The following EXOC4 variants were observed in gnomAD, a reference collection of about 807,000 sequenced individuals.
EXOC4 encodes the protein SEC8-like 1.
In EXOC4, 71 loss-of-function variants were observed where a neutral mutation model predicts 107.2. The observed-to-expected ratio is 0.66, with a 90% confidence interval of 0.55 to 0.81. The LOEUF (loss-of-function observed/expected upper bound fraction) is 0.81, where lower values mean the gene tolerates loss of function less well. EXOC4 is among the 30% of genes least tolerant of loss of function. The probability of loss-of-function intolerance (pLI) is 0.00; values close to 1 mark genes in which losing one functional copy is unlikely to be tolerated. For synonymous variants in EXOC4, 456 were observed against 441.2 expected (o/e 1.03, Z -0.42); for missense variants, 1,108 against 1,189.6 (o/e 0.93, Z 1.01).
chr7:133,801,145 A>C (rs1480765784), intron 10 of EXOC4, among the ~76,000 whole-genome samples: 1 of 152,174 alleles, frequency 6.6e-6, no homozygotes, highest in African/African-American at 2.4e-5. Flanking sequence ...ATAATGAATT[A>C]TATATTATCG....
Position 133,755,367 on chromosome 7 carries a change from CAG to C in EXOC4, c.1515-61955_1515-61954del, listed in dbSNP as rs1795893824. ...CTCTTTTTTTTTTTTGGCGGGGGGA[CAG>C]AGTCTCACCCTGTCACCAGGCTGGA... is the stretch of plus-strand genomic sequence containing the variant. On this transcript the variant is annotated intron_variant, in intron 10 of 17. Transcript: ENST00000253861. 3.8e-5 allele frequency among the ~76,000 whole-genome samples: 4 copies of C among 104,170 alleles called. No individual in the cohort carries two copies. In the South Asian group the frequency reaches 1.1e-3, roughly 29 times the overall value. 68.3% of individuals were successfully genotyped at this position (104,170 alleles called of 152,430 possible). A position where few individuals can be genotyped will look rare whatever the true frequency, so the allele number is the denominator to read the frequency against.
chr7:133,765,850 A>G (rs1411577239), intron 10 of EXOC4, among the ~76,000 whole-genome samples: 1 of 151,942 alleles, frequency 6.6e-6, no homozygotes, highest in Non-Finnish European at 1.5e-5. Flanking sequence ...TTTTGTACTC[A>G]AAGTAGTATA....
In EXOC4 at chr7:133,411,248, C is replaced by T. The variant is rs550883919; in HGVS notation, c.1182+36246C>T. Reference sequence around the variant, plus strand: ...GTAGATTAGTGCAAACTCATTCTCACTTTTGTAAAAAATAGTTAAACTTGA... The same window carrying T: ...GTAGATTAGTGCAAACTCATTCTCATTTTTGTAAAAAATAGTTAAACTTGA... On this transcript the variant is annotated intron_variant, in intron 7 of 17. Coordinates refer to ENST00000253861, the MANE Select transcript of EXOC4 (RefSeq NM_021807.4). Among the ~76,000 whole-genome samples, 34 of 152,250 alleles carry T rather than the reference C, an allele frequency of 2.2e-4. No individual in the cohort carries two copies. The South Asian group carries it at 7.0e-3, about 32-fold the overall frequency.
At chr7:133,423,434 T>A (rs1797649208) in intron 7 of EXOC4, among the ~76,000 whole-genome samples, 1 of 152,218 alleles carries the variant, frequency 6.6e-6, no homozygotes, top group Admixed American at 6.5e-5. Flanking sequence ...GCCATAGCAC[T>A]CTCTATCTTA....
At chr7:133,836,634 C>G (rs945506816) in intron 11 of EXOC4, among the ~76,000 whole-genome samples, 4 of 152,130 alleles carry the variant, frequency 2.6e-5, no homozygotes, top group African/African-American at 9.7e-5. Flanking sequence ...CCAAATAACG[C>G]ACATTTCTCT....
At chr7:133,867,464 C>T (rs1220285500) in intron 11 of EXOC4, among the ~76,000 whole-genome samples, 1 of 152,214 alleles carries the variant, frequency 6.6e-6, no homozygotes, top group Non-Finnish European at 1.5e-5. Flanking sequence ...TCAGCTTCCT[C>T]TCTCAAACAC....
intron 10 of EXOC4, among the ~76,000 whole-genome samples, chr7:133,730,362 G>C (rs1000800068): frequency 6.6e-6 from 1 of 151,828 alleles, no homozygotes; most frequent in Non-Finnish European, 1.5e-5. Flanking sequence ...GGATCCTCAT[G>C]TATGGAGCGT....
chr7:134,004,211 A>G (rs1290834451), intron 15 of EXOC4, among the ~76,000 whole-genome samples: 2 of 152,206 alleles, frequency 1.3e-5, no homozygotes, highest in Admixed American at 6.5e-5. Flanking sequence ...GGTTCCATAC[A>G]TGATTTAGTT....
intron 9 of EXOC4, among the ~76,000 whole-genome samples, chr7:133,488,196 G>C (rs1001344228): frequency 1.3e-5 from 2 of 152,122 alleles, no homozygotes; most frequent in African/African-American, 4.8e-5. Context: ...ACAAAATTCA[G>C]AAGAAATTTA....
intron 17 of EXOC4, among the ~76,000 whole-genome samples, chr7:134,013,664 T>G (rs1794825914): frequency 6.6e-6 from 1 of 152,226 alleles, no homozygotes; most frequent in African/African-American, 2.4e-5. Context: ...TCAATTTTTC[T>G]GTGAATCCAA....
rs1319041891 is a variant in EXOC4, at chr7:133,872,515, G to T, written c.1735-23084G>T. Among the ~76,000 whole-genome samples, 6 of 151,990 alleles carry T rather than the reference G, an allele frequency of 3.9e-5. No homozygotes were observed. In the South Asian group the frequency reaches 6.2e-4, roughly 16 times the overall value. On this transcript the variant is annotated intron_variant, in intron 11 of 17. Coordinates refer to ENST00000253861, the MANE Select transcript of EXOC4 (RefSeq NM_021807.4). Reference sequence around the variant, plus strand: ...CTAGGCACTTAATTTTACCCTCATTGCTAGAACAAAAGGGAAACAATAAAA... The same window carrying T: ...CTAGGCACTTAATTTTACCCTCATTTCTAGAACAAAAGGGAAACAATAAAA...
chr7:133,373,084 G>A (rs1263511086), intron 6 of EXOC4, among the ~76,000 whole-genome samples: 1 of 152,104 alleles, frequency 6.6e-6, no homozygotes, highest in Non-Finnish European at 1.5e-5. Context: ...GTTGGAAAAG[G>A]AGAACCTTCA....
chr7:133,703,157 A>G (rs1445345749), intron 10 of EXOC4, among the ~76,000 whole-genome samples: 2 of 152,208 alleles, frequency 1.3e-5, no homozygotes, highest in Non-Finnish European at 2.9e-5. Flanking sequence ...ATCACTGAAC[A>G]TAGTCACAGG....
chr7:133,258,931 G>T (rs1795078494), intron 1 of EXOC4, among the ~76,000 whole-genome samples: 2 of 152,054 alleles, frequency 1.3e-5, no homozygotes, highest in Non-Finnish European at 2.9e-5. Flanking sequence ...AGACTGAAAA[G>T]ACTATAAACA....
intron 5 of EXOC4, among the ~76,000 whole-genome samples, chr7:133,336,423 C>G (rs187608561): frequency 9.5e-4 from 144 of 152,240 alleles, no homozygotes; most frequent in African/African-American, 3.2e-3. Flanking sequence ...AATTCTCCCC[C>G]CAAAGAGAAA....
At chr7:133,965,002 A>G (rs1801030004) in intron 14 of EXOC4, among the ~76,000 whole-genome samples, 1 of 152,024 alleles carries the variant, frequency 6.6e-6, no homozygotes, top group Non-Finnish European at 1.5e-5. Flanking sequence ...TTGTTTCCTG[A>G]CTTTTTAATG....
chr7:133,624,669 T>A (rs1365425164), intron 9 of EXOC4, among the ~76,000 whole-genome samples: 2 of 152,080 alleles, frequency 1.3e-5, no homozygotes, highest in Non-Finnish European at 2.9e-5. Context: ...CTCGGCTCAC[T>A]GCAACCTCTG....
intron 10 of EXOC4, among the ~76,000 whole-genome samples, chr7:133,815,576 A>G (rs181332101): frequency 1.2e-3 from 176 of 152,350 alleles, no homozygotes; most frequent in African/African-American, 4.0e-3. Flanking sequence ...TGCAATATAC[A>G]GCAAGCATCT....
At chr7:133,749,989 C>G (rs1316902993) in intron 10 of EXOC4, among the ~76,000 whole-genome samples, 1 of 110,066 alleles carries the variant, frequency 9.1e-6, no homozygotes, top group Non-Finnish European at 1.7e-5. Context: ...TTTTTTTAAC[C>G]AGTGGATTTT....
Sources: gnomAD v4.1 joint callset for allele counts (sites outside exome capture counted in the v4.1 genomes callset) on GRCh38, gnomAD v4.1.1 for gene constraint, MANE v1.5 for transcripts, NCBI Gene and HGNC (gene_info 2026-07-23, HGNC 2026-07-21) for gene names.